Variants in SEMA3E observed in about 807,000 individuals in gnomAD.
The protein encoded by SEMA3E is semaphorin 3E, also known as semaphorin-3E.
SEMA3E carries 49 observed loss-of-function variants against 93.6 expected under a neutral mutation model. That is an observed-to-expected ratio of 0.52 (90% CI 0.42 to 0.66). The LOEUF is 0.66. Among genes scored for constraint, SEMA3E ranks in the 30% least tolerant of loss-of-function variants. The probability of loss-of-function intolerance (pLI) is 0.00; values close to 1 mark genes in which losing one functional copy is unlikely to be tolerated. For synonymous variants in SEMA3E, 363 were observed against 330.7 expected (o/e 1.10, Z -1.06); for missense variants, 906 against 964.8 (o/e 0.94, Z 0.81).
chr7:83,640,253 T>C (rs1793978453), intron 1 of SEMA3E, among the ~76,000 whole-genome samples: 1 of 152,294 alleles, frequency 6.6e-6, no homozygotes, highest in South Asian at 2.1e-4. Flanking sequence ...CACTCTATCC[T>C]GTAAATAAAA....
In SEMA3E at chr7:83,565,995, C is replaced by CTTTTT. The variant is rs750248438; in HGVS notation, c.116-75726_116-75722dup. 5.5e-3 allele frequency among the ~76,000 whole-genome samples: 624 copies of CTTTTT among 112,718 alleles called. 25 individuals are homozygous for CTTTTT. The highest frequency in any genetic ancestry group is 6.6e-3 in the Non-Finnish European group (381 of 58,010). The allele number at this position is 112,718 out of a possible 152,430, so 73.9% of individuals were successfully genotyped here. On this transcript the variant is annotated intron_variant, in intron 1 of 16. Transcript: ENST00000643230. ...TTCCTTACTTACCAATGTTTCCACT[C>CTTTTT]TTTTTTTTTTTTTTTTTTTGAGATG...
intron 1 of SEMA3E, among the ~76,000 whole-genome samples, chr7:83,634,600 C>T (rs1052547298): frequency 6.6e-6 from 1 of 151,788 alleles, no homozygotes; most frequent in Non-Finnish European, 1.5e-5. Context: ...AGTTGACTTA[C>T]CTATAATATT....
At chr7:83,444,895 T>C (rs925181886) in intron 4 of SEMA3E, among the ~76,000 whole-genome samples, 1 of 152,030 alleles carries the variant, frequency 6.6e-6, no homozygotes, top group Non-Finnish European at 1.5e-5. Flanking sequence ...GGTCTCAAAC[T>C]CCTGACCTCA....
intron 16 of SEMA3E, among the ~76,000 whole-genome samples, chr7:83,382,549 A>T (rs1042453920): frequency 6.6e-6 from 1 of 151,970 alleles, no homozygotes; most frequent in African/African-American, 2.4e-5. Flanking sequence ...CATATAAATA[A>T]TAGCCTCAGT....
intron 1 of SEMA3E, among the ~76,000 whole-genome samples, chr7:83,593,280 C>CTG (rs1562846697): frequency 5.1e-4 from 56 of 109,222 alleles, no homozygotes; most frequent in African/African-American, 2.4e-3. Flanking sequence ...CTCTCTCTCT[C>CTG]TCTCTGTGTG....
intron 5 of SEMA3E, among the ~76,000 whole-genome samples, chr7:83,416,368 A>G (rs2709890): frequency 0.53 from 81,088 of 151,790 alleles, 23,464 homozygotes; most frequent in East Asian, 0.84. Context: ...AAACTCACTT[A>G]GAAATGTCCC....
intron 4 of SEMA3E, among the ~76,000 whole-genome samples, chr7:83,431,997 G>A (rs1788893981): frequency 6.8e-6 from 1 of 146,060 alleles, no homozygotes; most frequent in South Asian, 2.1e-4. Flanking sequence ...CAGCTACCAT[G>A]TTAAGAAGCT....
chr7:83,608,918 T>C (rs935287081), intron 1 of SEMA3E, among the ~76,000 whole-genome samples: 2 of 152,132 alleles, frequency 1.3e-5, no homozygotes, highest in African/African-American at 4.8e-5. Context: ...ACTTGCAGCA[T>C]AGAATTTCAT....
chr7:83,452,333 A>C (rs1046899585), intron 4 of SEMA3E, among the ~76,000 whole-genome samples: 3 of 152,108 alleles, frequency 2.0e-5, no homozygotes, highest in Non-Finnish European at 4.4e-5. Flanking sequence ...TGGGGGAAAA[A>C]AAAGCCCTCA....
chr7:83,412,655 A>G (rs562925046), intron 5 of SEMA3E, among the ~76,000 whole-genome samples: 2 of 151,918 alleles, frequency 1.3e-5, no homozygotes, highest in African/African-American at 4.8e-5. Context: ...CCAGCTACTC[A>G]GGAGGCTGAG....
At chr7:83,393,506 G>A (rs1788061011) in intron 13 of SEMA3E, among the ~76,000 whole-genome samples, 1 of 152,124 alleles carries the variant, frequency 6.6e-6, no homozygotes, top group African/African-American at 2.4e-5. Context: ...TCCAGCCTGG[G>A]TGACACAGTG....
intron 1 of SEMA3E, among the ~76,000 whole-genome samples, chr7:83,585,808 C>T (rs1032086827): frequency 3.3e-5 from 5 of 152,088 alleles, no homozygotes; most frequent in African/African-American, 1.2e-4. Flanking sequence ...GAATACAGGG[C>T]AAGCAAAAAC....
At chr7:83,620,639 C>T (rs1004466896) in intron 1 of SEMA3E, among the ~76,000 whole-genome samples, 5 of 152,110 alleles carry the variant, frequency 3.3e-5, no homozygotes, top group African/African-American at 1.2e-4. Flanking sequence ...CATCAAAAAG[C>T]TTATCCACTA....
At chr7:83,379,432 T>A (rs185056800) in intron 16 of SEMA3E, among the ~76,000 whole-genome samples, 2 of 152,008 alleles carry the variant, frequency 1.3e-5, no homozygotes, top group East Asian at 3.9e-4. Flanking sequence ...TTTTGTTAGT[T>A]CTAAATAAGT....
At chr7:83,521,377 A>G (rs1238345640) in intron 1 of SEMA3E, among the ~76,000 whole-genome samples, 2 of 152,174 alleles carry the variant, frequency 1.3e-5, no homozygotes, top group Non-Finnish European at 2.9e-5. Context: ...AGAAAATTAC[A>G]TATAGGATGG....
intron 2 of SEMA3E, among the ~76,000 whole-genome samples, chr7:83,471,332 G>A (rs577271294): frequency 7.5e-6 from 1 of 133,188 alleles, no homozygotes; most frequent in Admixed American, 7.9e-5. Flanking sequence ...TAAAAAAAAA[G>A]TGTTGAAATC....
chr7:83,521,417 A>G (rs897715356), intron 1 of SEMA3E, among the ~76,000 whole-genome samples: 6 of 152,178 alleles, frequency 3.9e-5, no homozygotes, highest in African/African-American at 1.4e-4. Context: ...TTCATTAGCT[A>G]GGGCATAGTT....
intron 1 of SEMA3E, among the ~76,000 whole-genome samples, chr7:83,601,825 C>T (rs992570116): frequency 1.3e-5 from 2 of 152,164 alleles, no homozygotes; most frequent in Admixed American, 6.5e-5. Context: ...CGTTGAATAT[C>T]TCTGGTTCGT....
intron 1 of SEMA3E, among the ~76,000 whole-genome samples, chr7:83,563,188 T>C (rs1792072606): frequency 1.3e-5 from 2 of 152,246 alleles, no homozygotes; most frequent in Non-Finnish European, 2.9e-5. Flanking sequence ...AGATACAGCG[T>C]TGATCAACAC....
Sources: allele counts gnomAD v4.1 joint callset (sites outside exome capture counted in the v4.1 genomes callset), GRCh38; gene constraint gnomAD v4.1.1; transcripts MANE v1.5; gene names NCBI Gene and HGNC (gene_info 2026-07-23, HGNC 2026-07-21).